Variants in PEX7 observed in about 807,000 individuals in gnomAD.
PEX7 encodes PTS2 receptor.
In PEX7, 34 loss-of-function variants were observed where a neutral mutation model predicts 47.5. The observed-to-expected ratio is 0.72, with a 90% confidence interval of 0.54 to 0.95. The LOEUF (loss-of-function observed/expected upper bound fraction) is 0.95, where lower values mean the gene tolerates loss of function less well. PEX7 is among the 40% of genes least tolerant of loss of function. The pLI is 0.00. For synonymous variants in PEX7, 141 were observed against 148.8 expected, an observed-to-expected ratio of 0.95 and a Z score of 0.38; for missense variants, 394 against 400.3, an observed-to-expected ratio of 0.98 and a Z score of 0.13.
chr6:136,864,705 A>G (rs1205114038), intron 5 of PEX7, among the ~76,000 whole-genome samples: 1 of 152,238 alleles, frequency 6.6e-6, no homozygotes, highest in Admixed American at 6.5e-5. Flanking sequence ...TTAAAAATTT[A>G]GCATTTTTAT....
intron 1 of PEX7, among the ~76,000 whole-genome samples, chr6:136,823,609 A>C (rs925896345): frequency 2.6e-5 from 4 of 151,960 alleles, no homozygotes; most frequent in Non-Finnish European, 5.9e-5. Context: ...AAAAAGGCCA[A>C]GCGCCGTGCG....
At chr6:136,896,935 T>C (rs947405853) in intron 8 of PEX7, among the ~76,000 whole-genome samples, 2 of 152,232 alleles carry the variant, frequency 1.3e-5, no homozygotes, top group Non-Finnish European at 1.5e-5. Context: ...GAAACAAATA[T>C]GCAAAGACAG....
chr6:136,889,745 C>G (rs1775524134), intron 8 of PEX7, among the ~76,000 whole-genome samples: 1 of 152,098 alleles, frequency 6.6e-6, no homozygotes, highest in African/African-American at 2.4e-5. Context: ...TAAATGAGCT[C>G]CATGAGCATA....
intron 3 of PEX7, 65 bp from the exon 4 acceptor site, chr6:136,845,548 CAA>C (rs1282605631): frequency 7.9e-6 from 7 of 890,782 alleles, no homozygotes; most frequent in African/African-American, 3.3e-5. Context: ...TGTTATGTAA[CAA>C]GAGATAAAAT....
At chr6:136,826,142 C>T (rs1481086670) in intron 2 of PEX7, among the ~76,000 whole-genome samples, 177 bp from the exon 3 acceptor site, 2 of 151,756 alleles carry the variant, frequency 1.3e-5, no homozygotes, top group Non-Finnish European at 2.9e-5. Context: ...AATCTGTTGC[C>T]ATATTTGTCA....
chr6:136,866,341 T>G (rs954018976), intron 5 of PEX7, among the ~76,000 whole-genome samples: 1 of 152,160 alleles, frequency 6.6e-6, no homozygotes, highest in African/African-American at 2.4e-5. Flanking sequence ...GGGCCTTTCC[T>G]GCCTCGAACA....
intron 6 of PEX7, among the ~76,000 whole-genome samples, chr6:136,869,223 C>A (rs779250956): frequency 2.6e-5 from 4 of 151,990 alleles, no homozygotes; most frequent in Non-Finnish European, 5.9e-5. Context: ...CCGCACCCAG[C>A]CTTGAAAACC....
In PEX7 at chr6:136,878,547, A is replaced by G. The variant is rs1023199161; in HGVS notation, c.803+6294A>G. On this transcript the variant is annotated intron_variant, in intron 8 of 9. Transcript: ENST00000318471. ...GAATTTTGTCGAAAGCCTTTTGTGC[A>G]TCAAAAATCATGGGGTTTTTGTCAT... Among the ~76,000 whole-genome samples the G allele has an allele frequency of 3.3e-5, 5 of 152,318 alleles. No homozygotes were observed. In the East Asian group the frequency reaches 9.6e-4, roughly 29 times the overall value.
intron 8 of PEX7, among the ~76,000 whole-genome samples, chr6:136,897,358 A>G (rs888062776): frequency 6.6e-6 from 1 of 152,182 alleles, no homozygotes; most frequent in African/African-American, 2.4e-5. Context: ...AATAAAAAAG[A>G]TGATGAGCAA....
In PEX7 at chr6:136,849,539, T is replaced by G. The variant is rs559254726; in HGVS notation, c.526+3358T>G. ...ACTGCTTTAAATGTGTCCCAGAGAT[T>G]CTGGTATGTTGTGTCTTTGTTCTCA... On this transcript the variant is annotated intron_variant, in intron 5 of 9. Coordinates refer to ENST00000318471, the MANE Select transcript of PEX7 (RefSeq NM_000288.4). Among the ~76,000 whole-genome samples the G allele has an allele frequency of 3.4e-4, 52 of 152,324 alleles. 1 individual carries two copies. The highest frequency in any genetic ancestry group is 3.4e-3 in the Middle Eastern group (1 of 294).
At chr6:136,865,248 C>T (rs1267664924) in intron 5 of PEX7, among the ~76,000 whole-genome samples, 7 of 151,998 alleles carry the variant, frequency 4.6e-5, no homozygotes, top group Non-Finnish European at 8.8e-5. Context: ...GTCAGAAATT[C>T]GAGACTAGCC....
At chr6:136,899,066 T>C (rs956398643) in intron 9 of PEX7, among the ~76,000 whole-genome samples, 6 of 141,264 alleles carry the variant, frequency 4.2e-5, no homozygotes, top group Non-Finnish European at 6.2e-5. Flanking sequence ...ATGTAAGTGT[T>C]TTTTTTTTCT....
chr6:136,895,617 G>A (rs989714625), intron 8 of PEX7, among the ~76,000 whole-genome samples: 1 of 152,054 alleles, frequency 6.6e-6, no homozygotes, highest in Non-Finnish European at 1.5e-5. Flanking sequence ...TTGGTTATTT[G>A]TTTTTATGTT....
intron 8 of PEX7, 51 bp from the exon 9 acceptor site, chr6:136,898,091 T>C (rs778846255): frequency 2.8e-6 from 3 of 1,087,944 alleles, no homozygotes; most frequent in Non-Finnish European, 2.8e-6. Flanking sequence ...TTAATATAAG[T>C]TTTTTGGTAG....
At chr6:136,906,779 C>T (rs1434089148) in intron 9 of PEX7, among the ~76,000 whole-genome samples, 2 of 152,180 alleles carry the variant, frequency 1.3e-5, no homozygotes, top group East Asian at 3.9e-4. Context: ...TGCTTTTAAA[C>T]CACTCTGACC....
chr6:136,898,039 T>C (rs1394521497), intron 8 of PEX7, 103 bp from the exon 9 acceptor site: 1 of 738,484 alleles, frequency 1.4e-6, no homozygotes, highest in African/African-American at 1.7e-5. Flanking sequence ...TGGCTGAGCC[T>C]GTTTGGATAA....
intron 3 of PEX7, among the ~76,000 whole-genome samples, chr6:136,832,242 C>T (rs148898349): frequency 5.1e-4 from 77 of 152,378 alleles, no homozygotes; most frequent in African/African-American, 1.8e-3. Context: ...AGGGCTTGCA[C>T]CCTCAGAAGC....
Position 136,900,942 on chromosome 6 carries a change from CT to C in PEX7, c.903+2705del. On this transcript the variant is annotated intron_variant, in intron 9 of 9. Transcript: ENST00000318471. This position sits in a 1 kb window ranked among gnomAD's most constrained non-coding sequence, Gnocchi z 4.2. ...GTGAACTGGTTCATCACAGGAGGCA[CT>C]TTTAGGCTCTTGTAGAGGATAACTC... is the stretch of plus-strand genomic sequence containing the variant. 1 of 220,436 alleles carries C rather than the reference CT, an allele frequency of 4.5e-6. No individual in the cohort carries two copies. Among genetic ancestry groups the C allele is most frequent in the Non-Finnish European group, 9.1e-6 (1 of 109,742 alleles). 13.7% of individuals were successfully genotyped at this position (220,436 alleles called of 1,614,324 possible).
chr6:136,891,349 G>T lies in PEX7; in HGVS notation c.804-6793G>T, dbSNP rs369655085. On this transcript the variant is annotated intron_variant, in intron 8 of 9. Transcript: ENST00000318471. ...ATTTTGAGAAGGAAGCTTAAGTCTA[G>T]AATTTTATCATATGTAACCTTCAAA... 3.3e-5 allele frequency among the ~76,000 whole-genome samples: 5 copies of T among 152,172 alleles called. No homozygotes were observed. In the East Asian group the frequency reaches 7.7e-4, roughly 23 times the overall value.
Sources: allele counts gnomAD v4.1 joint callset (sites outside exome capture counted in the v4.1 genomes callset), GRCh38; gene constraint gnomAD v4.1.1; non-coding constraint Gnocchi (gnomAD v3.1); transcripts MANE v1.5; gene names NCBI Gene and HGNC (gene_info 2026-07-23, HGNC 2026-07-21).